Variants in LY86 observed in about 807,000 individuals in gnomAD.
LY86 encodes MD-1, RP105-associated.
In LY86, 20 loss-of-function variants were observed where a neutral mutation model predicts 17.3. That is an observed-to-expected ratio of 1.15 (90% confidence interval 0.81 to 1.68). LY86 has a LOEUF of 1.68. LY86 is among the 40% of genes most tolerant of loss of function. The pLI is 0.00. For missense variants in LY86, 200 were observed against 191.9 expected (o/e 1.04, Z -0.25); for synonymous variants, 74 against 70.6 (o/e 1.05, Z -0.24).
At chr6:6,605,568 G>C (rs1012697833) in intron 1 of LY86, among the ~76,000 whole-genome samples, 1 of 152,270 alleles carries the variant, frequency 6.6e-6, no homozygotes, top group Admixed American at 6.5e-5. Flanking sequence ...CACGGAGTGG[G>C]AGAAAGCGCA....
At chr6:6,646,792 T>C (rs750795545) in intron 3 of LY86, among the ~76,000 whole-genome samples, 58 of 152,322 alleles carry the variant, frequency 3.8e-4, no homozygotes, top group Non-Finnish European at 7.2e-4. Flanking sequence ...TTTCTCTTCT[T>C]TTCATTCTTA....
intron 1 of LY86, among the ~76,000 whole-genome samples, chr6:6,606,818 C>A (rs976096875): frequency 1.7e-4 from 26 of 152,390 alleles, no homozygotes; most frequent in African/African-American, 5.8e-4. Flanking sequence ...CTCCACACCA[C>A]CCCGCAAGCT....
intron 1 of LY86, among the ~76,000 whole-genome samples, chr6:6,612,304 C>A (rs1049689084): frequency 2.0e-5 from 3 of 152,176 alleles, no homozygotes; most frequent in African/African-American, 7.2e-5. Flanking sequence ...AGTGGCCTTG[C>A]TAACTTCAGG....
intron 1 of LY86, among the ~76,000 whole-genome samples, chr6:6,608,610 T>C (rs886700546): frequency 6.6e-6 from 1 of 152,266 alleles, no homozygotes; most frequent in Non-Finnish European, 1.5e-5. Flanking sequence ...GCTCTAGTTG[T>C]ATCAGTTTTG....
intron 1 of LY86, among the ~76,000 whole-genome samples, chr6:6,610,441 G>A (rs1394516224): frequency 6.6e-6 from 1 of 152,208 alleles, no homozygotes; most frequent in Admixed American, 6.5e-5. Context: ...GGGCTCCACT[G>A]CCCTGGCCTC....
At chr6:6,646,018 T>C (rs1015872356) in intron 3 of LY86, among the ~76,000 whole-genome samples, 3 of 152,040 alleles carry the variant, frequency 2.0e-5, no homozygotes, top group Admixed American at 6.5e-5. Flanking sequence ...GGGAAAAAGA[T>C]AACTTCCAAA....
chr6:6,611,245 GT>G (rs1361966756), intron 1 of LY86, among the ~76,000 whole-genome samples: 1 of 152,188 alleles, frequency 6.6e-6, no homozygotes, highest in South Asian at 2.1e-4. Context: ...TGGGACTTGA[GT>G]TTTTTTGTAT....
At chr6:6,634,220 G>A (rs1350010822) in intron 3 of LY86, among the ~76,000 whole-genome samples, 1 of 152,128 alleles carries the variant, frequency 6.6e-6, no homozygotes, top group Non-Finnish European at 1.5e-5. Flanking sequence ...AAATAATTAG[G>A]TTTAAACTTG....
At chr6:6,648,373 C>T (rs369529078) in intron 3 of LY86, among the ~76,000 whole-genome samples, 3 of 152,170 alleles carry the variant, frequency 2.0e-5, no homozygotes, top group East Asian at 1.9e-4. Context: ...ATATCTGTCA[C>T]CCCTCAATCT....
intron 1 of LY86, among the ~76,000 whole-genome samples, chr6:6,601,730 GA>G (rs1041379981): frequency 8.6e-5 from 13 of 150,326 alleles, no homozygotes; most frequent in Admixed American, 5.3e-4. Context: ...GAAAAAAAAA[GA>G]AAAAAAAAGA....
chr6:6,606,740 C>T (rs557106157), intron 1 of LY86, among the ~76,000 whole-genome samples: 4 of 152,344 alleles, frequency 2.6e-5, no homozygotes, highest in African/African-American at 7.2e-5. Context: ...GCTGAGCCCA[C>T]GCCCACCCGG....
chr6:6,643,914 C>G (rs1762074497), intron 3 of LY86, among the ~76,000 whole-genome samples: 1 of 152,224 alleles, frequency 6.6e-6, no homozygotes, highest in Non-Finnish European at 1.5e-5. Context: ...CCCTGCCCTA[C>G]TGGGCCCAGC....
At chr6:6,611,069 C>A (rs923020870) in intron 1 of LY86, among the ~76,000 whole-genome samples, 7 of 152,114 alleles carry the variant, frequency 4.6e-5, no homozygotes, top group Admixed American at 3.3e-4. Flanking sequence ...AAGATCTGGC[C>A]GTGTCTGAGC....
chr6:6,606,524 G>A (rs1006207053), intron 1 of LY86, among the ~76,000 whole-genome samples: 4 of 152,180 alleles, frequency 2.6e-5, no homozygotes, highest in African/African-American at 7.2e-5. Context: ...GTAGCAGGGG[G>A]CGGCGCTCGT....
At chr6:6,644,955 G>A (rs950093430) in intron 3 of LY86, among the ~76,000 whole-genome samples, 3 of 152,038 alleles carry the variant, frequency 2.0e-5, no homozygotes, top group African/African-American at 7.2e-5. Flanking sequence ...AGAACTTCAT[G>A]AGCCCCCAAA....
rs2113171677 is a variant in LY86, at chr6:6,654,620, G to A, written c.482G>A (p.Cys161Tyr). The A allele has an allele frequency of 6.2e-7, 1 of 1,614,074 alleles. No individual in the cohort carries two copies. The highest frequency in any genetic ancestry group is 1.3e-5 in the African/African-American group (1 of 75,058). Residue 161 changes from cysteine (C) to tyrosine (Y), a missense_variant, in exon 5 of 5, where the codon TGC (cysteine) becomes TAC (tyrosine). Physicochemically the swap from Cys to Tyr is radical, Grantham distance 194. Coordinates refer to ENST00000230568, the MANE Select transcript of LY86 (RefSeq NM_004271.4). ...TVACANATIM[C>Y]S Reference sequence around the variant, plus strand: ...GCCTGTGCCAATGCTACTATCATGTGCTCCTGACTGTGGCCTGTAGCAAAA... The same window carrying A: ...GCCTGTGCCAATGCTACTATCATGTACTCCTGACTGTGGCCTGTAGCAAAA...
At chr6:6,607,019 C>T (rs1335854359) in intron 1 of LY86, among the ~76,000 whole-genome samples, 2 of 152,256 alleles carry the variant, frequency 1.3e-5, no homozygotes, top group African/African-American at 2.4e-5. Flanking sequence ...CACTGGGCTA[C>T]TCCAGAGGAG....
chr6:6,640,796 G>A (rs1172584467), intron 3 of LY86, among the ~76,000 whole-genome samples: 1 of 152,022 alleles, frequency 6.6e-6, no homozygotes, highest in African/African-American at 2.4e-5. Flanking sequence ...AGAGGCCTAA[G>A]GAGAGGACCA....
intron 4 of LY86, among the ~76,000 whole-genome samples, chr6:6,650,245 T>G (rs927899705): frequency 6.6e-6 from 1 of 152,246 alleles, no homozygotes; most frequent in Non-Finnish European, 1.5e-5. Flanking sequence ...CACTAATTCC[T>G]TTCTGTTCAA....
Sources: allele counts gnomAD v4.1 joint callset (sites outside exome capture counted in the v4.1 genomes callset), GRCh38; gene constraint gnomAD v4.1.1; transcripts MANE v1.5; gene names NCBI Gene and HGNC (gene_info 2026-07-23, HGNC 2026-07-21).